Variants in TEX9 observed in about 807,000 individuals in gnomAD.
TEX9 encodes the protein testis-expressed protein 9.
A neutral mutation model predicts 59.6 loss-of-function variants in TEX9; 74 were observed. That is an observed-to-expected ratio of 1.24 (90% CI 1.03 to 1.51). The LOEUF is 1.51. Ranked by LOEUF, TEX9 falls within the 40% of genes most tolerant of loss-of-function variation. TEX9 has a pLI of 0.00. For missense variants in TEX9, 522 were observed against 447.8 expected, an observed-to-expected ratio of 1.17 and a Z score of -1.49; for synonymous variants, 186 against 152.2, an observed-to-expected ratio of 1.22 and a Z score of -1.64.
At chr15:56,449,981 C>T (rs558390802), downstream of TEX9, among the ~76,000 whole-genome samples, 22 of 152,158 alleles carry the variant, frequency 1.4e-4, no homozygotes, top group South Asian at 1.2e-3. Flanking sequence ...TTTTATTCAC[C>T]TTTTTATGGC....
At chr15:56,374,046 T>G (rs1244225607) in intron 3 of TEX9, 1 of 151,852 alleles carries the variant, frequency 6.6e-6, no homozygotes, top group Non-Finnish European at 1.5e-5. Flanking sequence ...TTTTATAATT[T>G]ATAATTAGAT....
chr15:56,440,853 G>A (rs1404417250), intron 12 of TEX9, among the ~76,000 whole-genome samples: 1 of 152,018 alleles, frequency 6.6e-6, no homozygotes, highest in Non-Finnish European at 1.5e-5. Flanking sequence ...TTATTACATG[G>A]ATATACTATA....
chr15:56,431,314 C>T, intron 12 of TEX9: 1 of 1,573,014 alleles, frequency 6.4e-7, no homozygotes, highest in Non-Finnish European at 8.6e-7. Context: ...ATCCAAATAC[C>T]ATGTTTTTTT....
intron 9 of TEX9, among the ~76,000 whole-genome samples, chr15:56,407,966 C>T (rs4774856): frequency 0.44 from 66,447 of 152,078 alleles, 14,784 homozygotes; most frequent in South Asian, 0.6. Context: ...CTCAAGGTCT[C>T]TGCACTGGCA....
At chr15:56,448,201 C>T (rs1030031864), downstream of TEX9, among the ~76,000 whole-genome samples, 33 of 152,174 alleles carry the variant, frequency 2.2e-4, no homozygotes, top group Non-Finnish European at 3.8e-4. Flanking sequence ...GATGCACGTT[C>T]AGCGTTTTAA....
chr15:56,422,786 T>TACCAATTAAGCCACTCCCC (rs2050046439), intron 10 of TEX9, among the ~76,000 whole-genome samples: 1 of 152,074 alleles, frequency 6.6e-6, no homozygotes, highest in Non-Finnish European at 1.5e-5. Flanking sequence ...TGAAACTCTC[T>TACCAATTAAGCCACTCCCC]ACCAATTAAG....
downstream of TEX9, among the ~76,000 whole-genome samples, chr15:56,448,751 C>CTT (rs34366643): frequency 5.9e-4 from 70 of 117,662 alleles, no homozygotes; most frequent in African/African-American, 1.6e-3. Flanking sequence ...TTTTTAGATT[C>CTT]TTTTTTTTTT....
At chr15:56,444,789 C>A in intron 12 of TEX9, 2 of 957,568 alleles carry the variant, frequency 2.1e-6, no homozygotes, top group Admixed American at 5.2e-5. Context: ...TAAATTTTTT[C>A]ATCTGTCTAG....
chr15:56,383,370 T>C (rs1047374133), intron 3 of TEX9, among the ~76,000 whole-genome samples: 4 of 152,240 alleles, frequency 2.6e-5, no homozygotes, highest in African/African-American at 4.8e-5. Flanking sequence ...TTTGCTCACC[T>C]GATTTTTGGT....
chr15:56,384,054 C>T lies in TEX9; in HGVS notation c.263+23C>T, dbSNP rs2047856102. On this transcript the variant is annotated intron_variant, in intron 4 of 12. Coordinates refer to ENST00000352903, the Ensembl canonical transcript of TEX9. ...AAGGTAAGTATCTTAAATTCTCAAG[C>T]ACCTTCTTTTAAAAGGATGTACATG... is the stretch of plus-strand genomic sequence containing the variant. The T allele has an allele frequency of 1.9e-6, 3 of 1,569,146 alleles. No homozygotes were observed. In the Middle Eastern group the frequency reaches 5.1e-4, roughly 265 times the overall value.
At position 56,350,521 on chromosome 15, in the gene TEX9, T is replaced by C. The variant is rs533636328; in HGVS notation, c.-106-22920T>C. ...GGTAGCCATATTGTGGGCCCACAGA[T>C]GCCTGGAAGGTTCTCATGCCTTTCA... On this transcript the variant is annotated intron_variant, in intron 1 of 5. Coordinates refer to the TEX9 transcript ENST00000560827. Among the ~76,000 whole-genome samples, 7 of 152,348 alleles carry C rather than the reference T, an allele frequency of 4.6e-5. No individual in the cohort carries two copies. In the East Asian group the frequency reaches 1.2e-3, roughly 25 times the overall value.
chr15:56,276,773 A>G (rs2044677812), intron 1 of TEX9, among the ~76,000 whole-genome samples: 1 of 152,144 alleles, frequency 6.6e-6, no homozygotes, highest in Admixed American at 6.5e-5. Context: ...ACAGTGGTTG[A>G]ACTAATTTAC....
chr15:56,363,872 G>GC (rs1478239075), upstream of TEX9, among the ~76,000 whole-genome samples: 7 of 146,644 alleles, frequency 4.8e-5, no homozygotes, highest in East Asian at 6.1e-4. Context: ...TTGTAGAGAT[G>GC]GAGTCTTGCT....
intron 1 of TEX9, among the ~76,000 whole-genome samples, chr15:56,303,967 C>T (rs1047124035): frequency 3.3e-5 from 5 of 152,234 alleles, no homozygotes; most frequent in South Asian, 2.1e-4. Flanking sequence ...AAAACATGAA[C>T]GGACTAATAA....
At chr15:56,271,959 G>GAA (rs1228137368) in intron 1 of TEX9, among the ~76,000 whole-genome samples, 1 of 152,050 alleles carries the variant, frequency 6.6e-6, no homozygotes, top group African/African-American at 2.4e-5. Context: ...GCTACACGGT[G>GAA]AAACCCTGTC....
chr15:56,379,656 T>C (rs1359357474), intron 3 of TEX9, among the ~76,000 whole-genome samples: 1 of 152,218 alleles, frequency 6.6e-6, no homozygotes, highest in African/African-American at 2.4e-5. Context: ...CTCCAGCTAT[T>C]ACTGTATTGT....
intron 1 of TEX9, among the ~76,000 whole-genome samples, chr15:56,302,198 C>T (rs1366455035): frequency 6.6e-6 from 1 of 152,010 alleles, no homozygotes. Flanking sequence ...ATCAAAAAAC[C>T]TCCAACAGTC....
intron 10 of TEX9, among the ~76,000 whole-genome samples, chr15:56,416,943 A>G (rs1262641749): frequency 1.3e-5 from 2 of 151,706 alleles, no homozygotes; most frequent in African/African-American, 4.9e-5. Flanking sequence ...GGGAGGGTGT[A>G]CATGTCCAGG....
At chr15:56,455,913 G>C in the TEX9 span, among the ~76,000 whole-genome samples, 1 of 152,134 alleles carries the variant, frequency 6.6e-6, no homozygotes, top group African/African-American at 2.4e-5. Context: ...GACATCTAAA[G>C]AAGACAGATG....
Sources: gnomAD v4.1 joint callset for allele counts (sites outside exome capture counted in the v4.1 genomes callset) on GRCh38, gnomAD v4.1.1 for gene constraint, MANE v1.5 for transcripts, NCBI Gene and HGNC (gene_info 2026-07-23, HGNC 2026-07-21) for gene names.